TCHP: variants seen among roughly 807,000 people sequenced by gnomAD.
TCHP encodes trichoplein keratin filament binding.
TCHP carries 81 observed loss-of-function variants against 88.7 expected under a neutral mutation model. That is an observed-to-expected ratio of 0.91 (90% CI 0.76 to 1.10). TCHP has a LOEUF of 1.10. Ranked by LOEUF, TCHP falls within the 50% of genes least tolerant of loss-of-function variation. TCHP has a pLI of 0.00. For synonymous variants in TCHP, 232 were observed against 232.5 expected (o/e 1.00, Z 0.02); for missense variants, 641 against 632.1 (o/e 1.01, Z -0.15).
In TCHP at chr12:109,915,524, C is replaced by T. The variant is rs1336548938; in HGVS notation, c.1442C>T (p.Ala481Val). ...ALLQQEAETM[A>V]EQGYRPKPYG... ...CTGCAGCAGGAGGCGGAGACTATGG[C>T]TGAGCAGGGCTACCGGCCTAAGGTA... Residue 481 changes from alanine to valine, a missense_variant, in exon 12 of 13, where the codon GCT (alanine) becomes GTT (valine). Transcript: ENST00000405876. 1.2e-6 allele frequency: 2 copies of T among 1,613,786 alleles called. No homozygotes were observed. Among genetic ancestry groups the T allele is most frequent in the Non-Finnish European group, 1.7e-6 (2 of 1,179,872 alleles).
intron 5 of TCHP, 131 bp downstream of exon 5, chr12:109,906,771 C>A: frequency 1.4e-6 from 1 of 703,352 alleles, no homozygotes; most frequent in South Asian, 1.8e-5. Flanking sequence ...TCTTAGTTTA[C>A]TTGACACATG....
At chr12:109,910,999 G>T in intron 8 of TCHP, 64 bp from the exon 9 acceptor site, 1 of 1,441,526 alleles carries the variant, frequency 6.9e-7, no homozygotes, top group Admixed American at 2.9e-5. Context: ...AGGCCCCTCT[G>T]TAGGCTCTCA....
intron 8 of TCHP, 43 bp downstream of exon 8, chr12:109,908,980 T>G: frequency 6.3e-7 from 1 of 1,593,242 alleles, no homozygotes; most frequent in Admixed American, 1.7e-5. Flanking sequence ...TAGCCTCTTT[T>G]GTAAAAAAGG....
In TCHP at chr12:109,911,801, A is replaced by AT. The variant is rs201488314; in HGVS notation, c.1052+579dup. On this transcript the variant is annotated intron_variant, in intron 9 of 12. Coordinates refer to ENST00000405876, the MANE Select transcript of TCHP (RefSeq NM_001143852.2). ...AATCTTAGAGGTTTAGAAGGAAATT[A>AT]TTTTTTTTTTTTTGAGATAGAGTCT... 3.1e-3 allele frequency among the ~76,000 whole-genome samples: 448 copies of AT among 142,782 alleles called. 3 individuals carry two copies. Among genetic ancestry groups the AT allele is most frequent in the East Asian group, 1.8e-3 (9 of 4,904 alleles). The allele number at this position is 142,782 out of a possible 152,430, so 93.7% of individuals were successfully genotyped here.
At chr12:109,895,457 G>A (rs988199025), upstream of TCHP, among the ~76,000 whole-genome samples, 2 of 151,916 alleles carry the variant, frequency 1.3e-5, no homozygotes, top group South Asian at 2.1e-4. Context: ...GGGTTCAAGC[G>A]ATCCTCCTCG....
rs775060904 is a variant in TCHP, at chr12:109,915,456, AGAG to A, written c.1382_1384del (p.Glu461del). Reference sequence around the variant, plus strand: ...AAGCAGACCAGCAGGAGGAGGAGGAAGAGGAGGAGGCCCGGCGGGTCGAGCAGC... The same window carrying A: ...AAGCAGACCAGCAGGAGGAGGAGGAAGAGGAGGCCCGGCGGGTCGAGCAGC... On this transcript the variant is annotated inframe_deletion, in exon 12 of 13. Coordinates refer to ENST00000405876, the MANE Select transcript of TCHP (RefSeq NM_001143852.2). 1,758 of 1,614,074 alleles carry A rather than the reference AGAG, an allele frequency of 1.1e-3. 1 individual carries two copies. Among genetic ancestry groups the A allele is most frequent in the Non-Finnish European group, 1.4e-3 (1,671 of 1,180,008 alleles).
At position 109,903,484 on chromosome 12, in the gene TCHP, G is replaced by A. The variant is rs540442446; in HGVS notation, c.188+270G>A. On this transcript the variant is annotated intron_variant, in intron 2 of 12. Coordinates refer to ENST00000405876, the MANE Select transcript of TCHP (RefSeq NM_001143852.2). The surrounding 1 kb of genome is among the most constrained non-coding windows in gnomAD (Gnocchi z 4.6). ...CAGAGACAGCCACAGTTAACAGTCTGGCACATATCCTTCCATGCTGTTTCC... is the reference window on the plus strand; with the variant it reads ...CAGAGACAGCCACAGTTAACAGTCTAGCACATATCCTTCCATGCTGTTTCC... 6.6e-6 allele frequency among the ~76,000 whole-genome samples: 1 copy of A among 152,320 alleles called. No individual in the cohort carries two copies. Among genetic ancestry groups the A allele is most frequent in the South Asian group, 2.1e-4 (1 of 4,820 alleles).
At position 109,914,584 on chromosome 12, in the gene TCHP, G is replaced by T. The variant is rs1487126786; in HGVS notation, c.1277G>T (p.Ser426Ile). 1.5e-5 allele frequency: 25 copies of T among 1,613,168 alleles called. No individual in the cohort carries two copies. Among genetic ancestry groups the T allele is most frequent in the Non-Finnish European group, 1.9e-5 (23 of 1,179,972 alleles). Residue 426 changes from serine to isoleucine, a missense_variant, in exon 11 of 13, where the codon AGT (serine) becomes ATT (isoleucine). Transcript: ENST00000405876. The part of the protein sequence containing the change: ...RELARREKEE[S>I]EKLKSARKQE... ...TTGGCTCGTCGCGAGAAAGAGGAGAGTGAAAAGCTGAAATCGGCCAGGAAG... is the reference window on the plus strand; with the variant it reads ...TTGGCTCGTCGCGAGAAAGAGGAGATTGAAAAGCTGAAATCGGCCAGGAAG...
intron 4 of TCHP, 69 bp downstream of exon 4, chr12:109,904,862 T>G (rs1870037920): frequency 5.7e-6 from 8 of 1,404,174 alleles, no homozygotes; most frequent in South Asian, 1.2e-5. Context: ...CTTTTTTTTT[T>G]GAACACGTAT....
At chr12:109,901,858 A>G (rs1482991927) in intron 1 of TCHP, among the ~76,000 whole-genome samples, 1 of 152,220 alleles carries the variant, frequency 6.6e-6, no homozygotes, top group Non-Finnish European at 1.5e-5. Context: ...TCTCTTGGGC[A>G]CTGGCTAAAT....
At chr12:109,908,787 G>A in intron 7 of TCHP, 84 bp from the exon 8 acceptor site, 1 of 1,572,228 alleles carries the variant, frequency 6.4e-7, no homozygotes, top group Non-Finnish European at 8.7e-7. Flanking sequence ...AACCATAAAG[G>A]AGACAGCCTG....
chr12:109,883,041 CTTT>C, the TCHP span, among the ~76,000 whole-genome samples: 1 of 137,024 alleles, frequency 7.3e-6, no homozygotes. Flanking sequence ...TTTTTTTTTT[CTTT>C]TTTTTTTTTT....
At chr12:109,902,729 C>T (rs551422040) in intron 1 of TCHP, among the ~76,000 whole-genome samples, 9 of 152,312 alleles carry the variant, frequency 5.9e-5, no homozygotes, top group African/African-American at 9.6e-5. Flanking sequence ...CCACCTTGGC[C>T]TCCCAAAGTG....
chr12:109,900,050 A>G (rs1031686447), upstream of TCHP, among the ~76,000 whole-genome samples: 3 of 152,198 alleles, frequency 2.0e-5, no homozygotes, highest in Non-Finnish European at 2.9e-5. Flanking sequence ...TTTGAGGACC[A>G]CTGACTTACA....
the TCHP span, among the ~76,000 whole-genome samples, chr12:109,888,643 T>C: frequency 1.3e-3 from 205 of 152,298 alleles, no homozygotes; most frequent in Non-Finnish European, 1.9e-3. Flanking sequence ...TTTTATCCAA[T>C]AAACGCACCT....
At chr12:109,886,985 G>T in the TCHP span, among the ~76,000 whole-genome samples, 1 of 152,150 alleles carries the variant, frequency 6.6e-6, no homozygotes, top group Admixed American at 6.5e-5. Flanking sequence ...GGGATTACAG[G>T]CGTGAGCCAC....
At position 109,904,049 on chromosome 12, in the gene TCHP, G is replaced by C. The variant is rs1869975701; in HGVS notation, c.301G>C (p.Glu101Gln). Residue 101 changes from glutamate (E) to glutamine (Q), a missense_variant, in exon 3 of 13, where the codon GAA becomes CAA. Transcript: ENST00000405876. ...MQEEQDLLAR[E>Q]LEELRLSMNL... The stretch of plus-strand genomic sequence containing the variant: ...GGAGGAGCAGGACCTGCTGGCCAGA[G>C]AACTGGAGGAGCTGAGGCTGAGCAT... The C allele has an allele frequency of 1.9e-6, 3 of 1,606,562 alleles. No homozygotes were observed. Among genetic ancestry groups the C allele is most frequent in the Non-Finnish European group, 2.5e-6 (3 of 1,176,520 alleles).
At chr12:109,881,148 A>T in the TCHP span, among the ~76,000 whole-genome samples, 88 of 152,332 alleles carry the variant, frequency 5.8e-4, 1 homozygote, top group South Asian at 2.1e-3. Flanking sequence ...GCCTGGAGGC[A>T]GGGAACATAA....
At position 109,914,479 on chromosome 12, in the gene TCHP, T is replaced by C. The variant is rs777784737; in HGVS notation, c.1172T>C (p.Ile391Thr). 9 of 1,613,854 alleles carry C rather than the reference T, an allele frequency of 5.6e-6. No homozygotes were observed. In the Middle Eastern group the frequency reaches 1.3e-3, roughly 237 times the overall value. The change falls in exon 11 of 13, where the codon ATT becomes ACT. Residue 391 changes from isoleucine (I) to threonine (T), a missense_variant. Physicochemically the swap from Ile to Thr is moderately conservative, Grantham distance 89. Coordinates refer to ENST00000405876, the MANE Select transcript of TCHP (RefSeq NM_001143852.2). ...TGRQQQIQEK[I>T]EQNRRAQEES... ...AGACAACAGCAAATACAAGAGAAGA[T>C]TGAGCAGAACCGACGGGCACAAGAG... is the stretch of plus-strand genomic sequence containing the variant.
Sources: gnomAD v4.1 joint callset for allele counts (sites outside exome capture counted in the v4.1 genomes callset) on GRCh38, gnomAD v4.1.1 for gene constraint, Gnocchi (gnomAD v3.1) non-coding constraint, MANE v1.5 for transcripts, NCBI Gene and HGNC (gene_info 2026-07-23, HGNC 2026-07-21) for gene names.